The following ADGRD1 variants were observed in gnomAD, a reference collection of about 807,000 sequenced individuals.
ADGRD1 encodes G-protein coupled receptor 133.
A neutral mutation model predicts 113.4 loss-of-function variants in ADGRD1; 77 were observed. That is an observed-to-expected ratio of 0.68 (90% confidence interval 0.57 to 0.82). The LOEUF is 0.82. ADGRD1 is among the 40% of genes least tolerant of loss of function. ADGRD1 has a pLI of 0.00. For missense variants in ADGRD1, 1,036 were observed against 1,139.1 expected (o/e 0.91, Z 1.30); for synonymous variants, 474 against 475.0 (o/e 1.00, Z 0.03).
At chr12:131,047,347 G>C (rs984039601) in intron 13 of ADGRD1, among the ~76,000 whole-genome samples, 6 of 152,214 alleles carry the variant, frequency 3.9e-5, no homozygotes, top group Non-Finnish European at 7.3e-5. Context: ...GACTGCTCCG[G>C]TGTCCTCCGC....
Position 131,004,218 on chromosome 12 carries a change from G to A in ADGRD1, c.1177G>A (p.Val393Met), listed in dbSNP as rs374606811. 23 of 1,613,716 alleles carry A rather than the reference G, an allele frequency of 1.4e-5. No homozygotes were observed. The highest frequency in any genetic ancestry group is 2.7e-5 in the African/African-American group (2 of 74,894). The change falls in exon 11 of 25, where the codon GTG (valine) becomes ATG (methionine). Residue 393 changes from valine to methionine, a missense_variant. By Grantham distance (21) the Val-to-Met change is conservative. Transcript: ENST00000261654. ...FSVAKILPKT[V>M]NSSHYRFPAH... Reference sequence around the variant, plus strand: ...CGTGGCCAAAATCCTGCCCAAGACCGTGAATTCCTCCCATTACCGCTTCCC... The same window carrying A: ...CGTGGCCAAAATCCTGCCCAAGACCATGAATTCCTCCCATTACCGCTTCCC...
At chr12:130,997,024 T>G (rs1368673918) in intron 8 of ADGRD1, among the ~76,000 whole-genome samples, 1 of 106,228 alleles carries the variant, frequency 9.4e-6, no homozygotes, top group Non-Finnish European at 1.9e-5. Context: ...CCCCCCCACC[T>G]CCCTCCCGGA....
At chr12:130,994,933 A>G (rs1211581519) in intron 8 of ADGRD1, among the ~76,000 whole-genome samples, 3 of 152,148 alleles carry the variant, frequency 2.0e-5, no homozygotes, top group Admixed American at 6.5e-5. Flanking sequence ...AGAACCTTCT[A>G]GAAGTGTGTG....
chr12:131,135,866 C>T (rs1030224666), intron 21 of ADGRD1, among the ~76,000 whole-genome samples, 171 bp from the exon 22 acceptor site: 1 of 152,230 alleles, frequency 6.6e-6, no homozygotes, highest in Non-Finnish European at 1.5e-5. Flanking sequence ...AACACCGAGG[C>T]TCCTCCCAGG....
chr12:131,013,532 A>G (rs776035651), intron 12 of ADGRD1, among the ~76,000 whole-genome samples: 2 of 152,082 alleles, frequency 1.3e-5, no homozygotes, highest in African/African-American at 2.4e-5. Context: ...TCATTCCTAA[A>G]TGGTCCCCAT....
intron 14 of ADGRD1, among the ~76,000 whole-genome samples, chr12:131,080,652 G>A (rs1205581854): frequency 1.3e-5 from 2 of 151,956 alleles, no homozygotes; most frequent in East Asian, 1.9e-4. Context: ...ACAGAGTCTC[G>A]CTCTGTAACC....
intron 4 of ADGRD1, among the ~76,000 whole-genome samples, chr12:130,974,591 A>G (rs73471202): frequency 0.035 from 5,374 of 152,294 alleles, 174 homozygotes; most frequent in African/African-American, 0.086. Context: ...TGTTATTCTT[A>G]TAACGAAAAA....
intron 12 of ADGRD1, among the ~76,000 whole-genome samples, chr12:131,007,582 G>A (rs988481820): frequency 5.9e-5 from 9 of 152,222 alleles, no homozygotes; most frequent in Non-Finnish European, 1.2e-4. Context: ...GGTGTCTGCA[G>A]ACAGGACACT....
chr12:131,078,260 C>T (rs553799565), intron 14 of ADGRD1, among the ~76,000 whole-genome samples: 113 of 152,352 alleles, frequency 7.4e-4, no homozygotes, highest in African/African-American at 2.6e-3. Flanking sequence ...CTGTGAACAG[C>T]GAGGAAAGTG....
chr12:130,967,038 G>A (rs928434840), intron 3 of ADGRD1: 2 of 455,634 alleles, frequency 4.4e-6, no homozygotes, highest in African/African-American at 2.0e-5. Context: ...ACAGAAGCTG[G>A]CCTGAGGATG....
intron 9 of ADGRD1, among the ~76,000 whole-genome samples, chr12:131,001,670 C>T (rs765566238): frequency 1.3e-4 from 20 of 152,138 alleles, no homozygotes; most frequent in Non-Finnish European, 1.5e-4. Context: ...GTCAGAGGAG[C>T]CTCTTCTCCA....
chr12:131,085,558 G>A (rs1010551022), intron 15 of ADGRD1, among the ~76,000 whole-genome samples: 33 of 152,178 alleles, frequency 2.2e-4, no homozygotes, highest in African/African-American at 7.7e-4. Context: ...GGTTTGGGGT[G>A]GGGCACGTAG....
intron 13 of ADGRD1, among the ~76,000 whole-genome samples, chr12:131,032,461 G>A (rs1422612833): frequency 3.3e-5 from 5 of 149,466 alleles, no homozygotes; most frequent in Non-Finnish European, 6.0e-5. Flanking sequence ...GTCCCCCACC[G>A]CTGTGTGGCC....
chr12:131,132,627 C>G (rs1458187231), intron 21 of ADGRD1, among the ~76,000 whole-genome samples: 1 of 152,188 alleles, frequency 6.6e-6, no homozygotes, highest in Non-Finnish European at 1.5e-5. Context: ...TTCAGGCCCA[C>G]GGGGGAGTCC....
At chr12:131,059,502 C>T (rs951498941) in intron 13 of ADGRD1, among the ~76,000 whole-genome samples, 8 of 152,154 alleles carry the variant, frequency 5.3e-5, no homozygotes, top group Non-Finnish European at 1.5e-5. Context: ...ATTTTGATTT[C>T]AGTTATTCTA....
At chr12:131,122,591 C>T (rs1195937) in intron 20 of ADGRD1, among the ~76,000 whole-genome samples, 39,649 of 151,808 alleles carry the variant, frequency 0.26, 5,608 homozygotes, top group African/African-American at 0.34. Flanking sequence ...AACTCCTGGC[C>T]GGAGCATGGC....
rs759663300 is a variant in ADGRD1, at chr12:131,003,367, C to T, written c.1144+65C>T. The T allele has an allele frequency of 6.3e-6, 7 of 1,112,094 alleles. No homozygotes were observed. The highest frequency in any genetic ancestry group is 9.6e-6 in the Non-Finnish European group (7 of 731,402). The allele number at this position is 1,112,094 out of a possible 1,614,324, so 68.9% of individuals were successfully genotyped here. A position where few individuals can be genotyped will look rare whatever the true frequency, so the allele number is the denominator to read the frequency against. ...GGGGGCTGGAGGCTGCGTTTCACTG[C>T]CTGTCTTTTTACACCCTTAGCAGAG... On this transcript the variant is annotated intron_variant, in intron 10 of 24. Coordinates refer to ENST00000261654, the MANE Select transcript of ADGRD1 (RefSeq NM_198827.5). The surrounding 1 kb of genome is among the most constrained non-coding windows in gnomAD (Gnocchi z 4.8).
chr12:130,961,855 G>C (rs1870403545), intron 2 of ADGRD1, among the ~76,000 whole-genome samples: 1 of 152,182 alleles, frequency 6.6e-6, no homozygotes, highest in Admixed American at 6.5e-5. Context: ...TTCTGACTCT[G>C]CTTTAAAAAA....
At chr12:131,108,146 A>G (rs977844140) in intron 17 of ADGRD1, among the ~76,000 whole-genome samples, 1 of 152,144 alleles carries the variant, frequency 6.6e-6, no homozygotes, top group Non-Finnish European at 1.5e-5. Context: ...CCTGAGCCCT[A>G]TTGAGGGGAA....
Sources: allele counts gnomAD v4.1 joint callset (sites outside exome capture counted in the v4.1 genomes callset), GRCh38; gene constraint gnomAD v4.1.1; non-coding constraint Gnocchi (gnomAD v3.1); transcripts MANE v1.5; gene names NCBI Gene and HGNC (gene_info 2026-07-23, HGNC 2026-07-21).